PARP8: variants seen among roughly 807,000 people sequenced by gnomAD.
PARP8 encodes the protein poly(ADP-ribose) polymerase family member 8, also known as protein mono-ADP-ribosyltransferase PARP8.
In PARP8, 51 loss-of-function variants were observed where a neutral mutation model predicts 124.1. The observed-to-expected ratio is 0.41, with a 90% CI of 0.33 to 0.52. The LOEUF (loss-of-function observed/expected upper bound fraction) is 0.52. Ranked by LOEUF, PARP8 falls within the 20% of genes least tolerant of loss-of-function variation. The pLI is 0.21. For missense variants in PARP8, 860 were observed against 1,018.9 expected (o/e 0.84, Z 2.12); for synonymous variants, 391 against 361.5 (o/e 1.08, Z -0.93).
At chr5:50,827,903 A>C (rs1746520665) in intron 19 of PARP8, 41 bp from the exon 20 acceptor site, 16 of 1,383,976 alleles carry the variant, frequency 1.2e-5, no homozygotes, top group Non-Finnish European at 1.6e-5. Context: ...AATATATGTT[A>C]AGTTTTACAT....
Position 50,695,731 on chromosome 5 carries a change from G to A in PARP8, c.146+27606G>A, listed in dbSNP as rs1171605986. Among the ~76,000 whole-genome samples, 4 of 152,000 alleles carry A rather than the reference G, an allele frequency of 2.6e-5. No homozygotes were observed. In the East Asian group the frequency reaches 5.8e-4, roughly 22 times the overall value. On this transcript the variant is annotated intron_variant, in intron 2 of 25. Transcript: ENST00000281631. ...GATTTAAAAATAACTCATCAGGTAT[G>A]GAGTTATTATTCCTTGAAGCACTGC...
At chr5:50,823,356 C>T (rs1386430771) in intron 17 of PARP8, among the ~76,000 whole-genome samples, 1 of 152,134 alleles carries the variant, frequency 6.6e-6, no homozygotes, top group East Asian at 1.9e-4. Context: ...ATCATTTATT[C>T]ATGTAGTCAA....
intron 3 of PARP8, among the ~76,000 whole-genome samples, chr5:50,755,896 C>T (rs1221767640): frequency 1.3e-5 from 2 of 152,284 alleles, no homozygotes; most frequent in Middle Eastern, 3.4e-3. Flanking sequence ...AGGTCCTTCA[C>T]ATCCCTTGTA....
chr5:50,686,836 C>T (rs953664205), intron 2 of PARP8, among the ~76,000 whole-genome samples: 7 of 152,082 alleles, frequency 4.6e-5, no homozygotes, highest in Non-Finnish European at 7.4e-5. Flanking sequence ...GTGGCTGGGA[C>T]GCAGGGCATG....
intron 25 of PARP8, among the ~76,000 whole-genome samples, chr5:50,838,005 C>A (rs1747775700): frequency 6.7e-6 from 1 of 150,128 alleles, no homozygotes; most frequent in Non-Finnish European, 1.5e-5. Context: ...GACATTGAGA[C>A]CCATATGTAG....
intron 2 of PARP8, among the ~76,000 whole-genome samples, chr5:50,725,071 GTATGTGTATATATA>G (rs1333281449): frequency 2.0e-5 from 1 of 48,786 alleles, no homozygotes; most frequent in Non-Finnish European, 4.0e-5. Context: ...CATTGTGTGT[GTATGTGTATATATA>G]TATATATACA....
At chr5:50,707,911 T>C (rs1433491805) in intron 2 of PARP8, among the ~76,000 whole-genome samples, 2 of 152,118 alleles carry the variant, frequency 1.3e-5, no homozygotes, top group Non-Finnish European at 2.9e-5. Context: ...TATTGAGTAT[T>C]TATCTTTCTT....
At chr5:50,799,383 T>G (rs1742935141) in intron 14 of PARP8, among the ~76,000 whole-genome samples, 1 of 152,196 alleles carries the variant, frequency 6.6e-6, no homozygotes, top group Non-Finnish European at 1.5e-5. Context: ...TATAGATGTT[T>G]TGGTTTATTT....
intron 2 of PARP8, among the ~76,000 whole-genome samples, chr5:50,676,679 A>T (rs1384977772): frequency 2.0e-5 from 3 of 152,210 alleles, no homozygotes; most frequent in African/African-American, 7.2e-5. Flanking sequence ...TGGTGGGGGA[A>T]ATCTGGAATT....
At chr5:50,804,551 A>G (rs896115916) in intron 14 of PARP8, among the ~76,000 whole-genome samples, 1 of 152,180 alleles carries the variant, frequency 6.6e-6, no homozygotes, top group African/African-American at 2.4e-5. Flanking sequence ...TGGCTCTAGT[A>G]TATCTACTTT....
intron 2 of PARP8, among the ~76,000 whole-genome samples, chr5:50,692,637 A>C (rs1579976910): frequency 1.3e-5 from 2 of 152,108 alleles, no homozygotes; most frequent in African/African-American, 4.8e-5. Context: ...CCTACCTGTG[A>C]GAATTCTCTT....
At chr5:50,782,495 C>T (rs1740782251) in intron 9 of PARP8, among the ~76,000 whole-genome samples, 1 of 152,036 alleles carries the variant, frequency 6.6e-6, no homozygotes, top group Non-Finnish European at 1.5e-5. Context: ...TAAAAAGGAA[C>T]CTTTAACTTA....
chr5:50,743,995 T>C (rs1758298861), intron 2 of PARP8, among the ~76,000 whole-genome samples: 1 of 152,284 alleles, frequency 6.6e-6, no homozygotes, highest in South Asian at 2.1e-4. Context: ...TAATGTGCAA[T>C]AAAATACTGG....
intron 2 of PARP8, among the ~76,000 whole-genome samples, chr5:50,745,381 C>G (rs1253803101): frequency 6.6e-6 from 1 of 152,158 alleles, no homozygotes; most frequent in Non-Finnish European, 1.5e-5. Flanking sequence ...TAAAATTACT[C>G]AGCACCTGCT....
At chr5:50,757,258 A>G in intron 3 of PARP8, 1 of 421,176 alleles carries the variant, frequency 2.4e-6, no homozygotes, top group South Asian at 1.7e-5. Context: ...ACCTATCAAG[A>G]CTGAATCATA....
chr5:50,742,753 T>G (rs185868254), intron 2 of PARP8, among the ~76,000 whole-genome samples: 4 of 152,294 alleles, frequency 2.6e-5, no homozygotes, highest in African/African-American at 9.6e-5. Flanking sequence ...CCCCTTAGTT[T>G]CATTGTCCTT....
At chr5:50,799,772 G>A (rs1742987274) in intron 14 of PARP8, among the ~76,000 whole-genome samples, 1 of 152,128 alleles carries the variant, frequency 6.6e-6, no homozygotes, top group Admixed American at 6.5e-5. Context: ...TGAGGGTGGT[G>A]CCCTCATGAA....
At chr5:50,707,440 C>A (rs1273051031) in intron 2 of PARP8, among the ~76,000 whole-genome samples, 1 of 152,014 alleles carries the variant, frequency 6.6e-6, no homozygotes, top group African/African-American at 2.4e-5. Context: ...GACTTGACAG[C>A]TACCTAGAAT....
intron 2 of PARP8, among the ~76,000 whole-genome samples, chr5:50,718,643 C>A (rs1206829603): frequency 1.3e-5 from 2 of 151,916 alleles, no homozygotes; most frequent in African/African-American, 4.8e-5. Flanking sequence ...TTGCAAATGA[C>A]ATGATTTCCT....
Sources: gnomAD v4.1 joint callset for allele counts (sites outside exome capture counted in the v4.1 genomes callset) on GRCh38, gnomAD v4.1.1 for gene constraint, MANE v1.5 for transcripts, NCBI Gene and HGNC (gene_info 2026-07-23, HGNC 2026-07-21) for gene names.